The following GRIP1 variants were observed in gnomAD, a reference collection of about 807,000 sequenced individuals.
GRIP1 encodes the protein glutamate receptor-interacting protein 1.
GRIP1 carries 45 observed loss-of-function variants against 129.9 expected under a neutral mutation model. That is an observed-to-expected ratio of 0.35 (90% CI 0.27 to 0.44). GRIP1 has a LOEUF of 0.44. GRIP1 is among the 20% of genes least tolerant of loss of function. The probability of loss-of-function intolerance (pLI) is 1.00; values close to 1 mark genes in which losing one functional copy is unlikely to be tolerated. For synonymous variants in GRIP1, 530 were observed against 520.8 expected (o/e 1.02, Z -0.24); for missense variants, 1,196 against 1,396.8 (o/e 0.86, Z 2.29).
intron 2 of GRIP1, among the ~76,000 whole-genome samples, chr12:66,553,048 A>C (rs1489053621): frequency 6.6e-6 from 1 of 152,176 alleles, no homozygotes; most frequent in East Asian, 1.9e-4. Context: ...CTATCCTAAC[A>C]GGGAGGGTAC....
At chr12:66,464,082 A>C (rs60150269) in intron 8 of GRIP1, among the ~76,000 whole-genome samples, 1 of 152,180 alleles carries the variant, frequency 6.6e-6, no homozygotes, top group Admixed American at 6.5e-5. Context: ...CACGTGGAGA[A>C]GAGGGCTGGA....
chr12:66,983,829 TACTTAATAGTGTTGCCCAGGAA>T (rs762502473), intron 1 of GRIP1, among the ~76,000 whole-genome samples: 68 of 152,212 alleles, frequency 4.5e-4, no homozygotes, highest in Non-Finnish European at 9.1e-4. Context: ...ACTGAGGGTA[TACTTAATAGTGTTGCCCAGGAA>T]TTATCCTGGT....
chr12:66,353,559 G>T lies in GRIP1; in HGVS notation c.3017C>A (p.Thr1006Asn), dbSNP rs778884061. The T allele has an allele frequency of 3.1e-6, 5 of 1,613,874 alleles. No individual in the cohort carries two copies. The Admixed American group carries it at 5.0e-5, about 16-fold the overall frequency. The change falls in exon 24 of 25, where the codon ACC becomes AAC. Residue 1006 changes from threonine to asparagine, a missense_variant. This residue lies in a region of GRIP1 where 427 missense variants were observed against 463.3 expected (regional missense o/e 0.92). Coordinates refer to ENST00000359742, the MANE Select transcript of GRIP1 (RefSeq NM_001366722.1). ...SPTPVELHKV[T>N]LYKDSDMEDF... ...CTCCATGTCAGAGTCCTTGTACAAG[G>T]TCACCTGAAGAGAGAAAATGGGATG...
At chr12:66,971,053 C>T (rs982186469) in intron 1 of GRIP1, among the ~76,000 whole-genome samples, 5 of 152,156 alleles carry the variant, frequency 3.3e-5, no homozygotes, top group Admixed American at 2.6e-4. Context: ...GAGACCCTTT[C>T]TCAGACTCCT....
At chr12:66,615,259 A>G (rs2064990055) in intron 1 of GRIP1, among the ~76,000 whole-genome samples, 1 of 152,192 alleles carries the variant, frequency 6.6e-6, no homozygotes, top group South Asian at 2.1e-4. Flanking sequence ...CTTTATAGTA[A>G]TTTAAATAAT....
At chr12:66,596,144 G>C (rs1465930881) in intron 2 of GRIP1, among the ~76,000 whole-genome samples, 1 of 152,100 alleles carries the variant, frequency 6.6e-6, no homozygotes, top group Non-Finnish European at 1.5e-5. Flanking sequence ...CTTCCATAAG[G>C]AATTTTTCCA....
intron 5 of GRIP1, among the ~76,000 whole-genome samples, chr12:66,525,985 G>C (rs952024997): frequency 1.3e-5 from 2 of 152,044 alleles, no homozygotes; most frequent in African/African-American, 4.8e-5. Flanking sequence ...GGTTGTGAAG[G>C]ACCTCTTCAA....
intron 1 of GRIP1, among the ~76,000 whole-genome samples, chr12:67,050,820 CA>C (rs2043333447): frequency 1.3e-5 from 2 of 152,124 alleles, no homozygotes; most frequent in African/African-American, 4.8e-5. Context: ...TCAACTCACC[CA>C]CAATCAAGAG....
rs1000344134 is a variant in GRIP1 at position 66,965,564 on chromosome 12, T to A, written c.58+103486A>T. Among the ~76,000 whole-genome samples the A allele has an allele frequency of 2.9e-3, 316 of 108,890 alleles. 2 individuals carry two copies. The highest frequency in any genetic ancestry group is 1.1e-3 in the Non-Finnish European group (52 of 45,320). The allele number at this position is 108,890 out of a possible 152,430, so 71.4% of individuals were successfully genotyped here. A position where few individuals can be genotyped will look rare whatever the true frequency, so the allele number is the denominator to read the frequency against. On this transcript the variant is annotated intron_variant, in intron 1 of 1. Transcript: ENST00000643019. ...AAAAGAAACATTGTGTGTGTGTGTG[T>A]GTGTGTGTGTGTGTGTGTGTGTGTG...
At chr12:66,540,851 A>G (rs2061755074) in intron 3 of GRIP1, among the ~76,000 whole-genome samples, 2 of 152,032 alleles carry the variant, frequency 1.3e-5, no homozygotes, top group Non-Finnish European at 2.9e-5. Flanking sequence ...CTGGAGTGCA[A>G]TGGCACAGTC....
chr12:66,485,411 T>C (rs1008416405), intron 7 of GRIP1, among the ~76,000 whole-genome samples: 26 of 150,276 alleles, frequency 1.7e-4, no homozygotes, highest in African/African-American at 6.1e-4. Flanking sequence ...TAAATATATA[T>C]ATATAATTTA....
chr12:66,913,820 T>G (rs1048884484), intron 1 of GRIP1, among the ~76,000 whole-genome samples: 2 of 152,202 alleles, frequency 1.3e-5, no homozygotes, highest in Non-Finnish European at 2.9e-5. Context: ...GGAATGACAT[T>G]AAAATATTAT....
chr12:66,819,258 C>G (rs1207066797), intron 1 of GRIP1, among the ~76,000 whole-genome samples: 1 of 152,092 alleles, frequency 6.6e-6, no homozygotes, highest in African/African-American at 2.4e-5. Context: ...AGCTAATAAG[C>G]TCAGTAGATG....
Position 66,465,369 on chromosome 12 carries a change from C to T in GRIP1, c.778G>A (p.Gly260Ser). ...GTTAGGGCAACCCCAAGGCTGGCAC[C>T]AGGAGTTTTGGCAACTTCGACTAGT... Reference protein sequence around the residue: ...PLLVEVAKTPGASLGVALTTS... With the variant: ...PLLVEVAKTPSASLGVALTTS... Residue 260 changes from glycine (G) to serine (S), a missense_variant, in exon 8 of 25, where the codon GGT (glycine) becomes AGT (serine). Coordinates refer to ENST00000359742, the MANE Select transcript of GRIP1 (RefSeq NM_001366722.1). The T allele has an allele frequency of 6.2e-7, 1 of 1,613,974 alleles. No homozygotes were observed. Among genetic ancestry groups the T allele is most frequent in the Non-Finnish European group, 8.5e-7 (1 of 1,179,830 alleles).
intron 1 of GRIP1, among the ~76,000 whole-genome samples, chr12:66,881,015 T>G (rs1182276598): frequency 6.6e-6 from 1 of 151,922 alleles, no homozygotes; most frequent in Non-Finnish European, 1.5e-5. Context: ...TTCCTCTCTT[T>G]CAAATACCAG....
At chr12:66,702,159 T>C (rs1488112900) in intron 1 of GRIP1, among the ~76,000 whole-genome samples, 1 of 152,194 alleles carries the variant, frequency 6.6e-6, no homozygotes, top group East Asian at 1.9e-4. Flanking sequence ...CTAGGCTATA[T>C]ACTCTGTTGG....
chr12:66,420,983 A>T (rs949952931), intron 14 of GRIP1, among the ~76,000 whole-genome samples, 194 bp from the exon 15 acceptor site: 1 of 152,256 alleles, frequency 6.6e-6, no homozygotes, highest in Non-Finnish European at 1.5e-5. Context: ...AAACATAAAA[A>T]CTAAAGCAAT....
intron 7 of GRIP1, among the ~76,000 whole-genome samples, chr12:66,469,854 C>T (rs1412773153): frequency 2.6e-5 from 4 of 152,180 alleles, no homozygotes; most frequent in Non-Finnish European, 4.4e-5. Context: ...CCTAGGAACA[C>T]TGACACATGT....
intron 1 of GRIP1, among the ~76,000 whole-genome samples, chr12:66,862,023 A>G: frequency 6.6e-6 from 1 of 152,130 alleles, no homozygotes. Flanking sequence ...GCAGTCTTCA[A>G]TTAAAAAAAA....
Sources: allele counts gnomAD v4.1 joint callset (sites outside exome capture counted in the v4.1 genomes callset), GRCh38; gene constraint gnomAD v4.1.1; regional missense constraint gnomAD v4.1.1; transcripts MANE v1.5; gene names NCBI Gene and HGNC (gene_info 2026-07-23, HGNC 2026-07-21).